Variants in GRK5 observed in about 807,000 individuals in gnomAD.
GRK5 encodes the protein g protein-coupled receptor kinase GRK5.
Under a neutral mutation model 78.4 loss-of-function variants are expected in GRK5, and 40 were observed. The ratio of observed to expected loss-of-function variants is 0.51; its 90% CI spans 0.40 to 0.66. The LOEUF (loss-of-function observed/expected upper bound fraction) is 0.66. GRK5 is among the 30% of genes least tolerant of loss of function. The pLI is 0.00. For synonymous variants in GRK5, 289 were observed against 296.8 expected, an observed-to-expected ratio of 0.97 and a Z score of 0.27; for missense variants, 598 against 759.9, an observed-to-expected ratio of 0.79 and a Z score of 2.50.
chr10:119,390,334 C>T (rs377482940), intron 3 of GRK5, among the ~76,000 whole-genome samples: 2 of 152,186 alleles, frequency 1.3e-5, no homozygotes, highest in African/African-American at 2.4e-5. Flanking sequence ...GTGAAAGGCA[C>T]GTCTCACATG....
At chr10:119,425,257 G>GCACACACACACACA (rs1176161623) in intron 6 of GRK5, among the ~76,000 whole-genome samples, 172 bp downstream of exon 6, 4 of 92,490 alleles carry the variant, frequency 4.3e-5, no homozygotes, top group South Asian at 7.0e-4. Flanking sequence ...GCTTATTCAA[G>GCACACACACACACA]CACACACACA....
intron 1 of GRK5, among the ~76,000 whole-genome samples, chr10:119,248,083 C>T (rs939285461): frequency 6.6e-6 from 1 of 152,170 alleles, no homozygotes; most frequent in African/African-American, 2.4e-5. Context: ...GTGATCATAG[C>T]TCACTGCAGC....
chr10:119,438,690 G>A (rs929871217), intron 9 of GRK5, among the ~76,000 whole-genome samples: 1 of 152,312 alleles, frequency 6.6e-6, no homozygotes, highest in Middle Eastern at 3.4e-3. Flanking sequence ...CACTCACCAC[G>A]GCCTCTCTTT....
chr10:119,410,476 TG>T (rs1183517485), intron 4 of GRK5, among the ~76,000 whole-genome samples: 1 of 152,210 alleles, frequency 6.6e-6, no homozygotes, highest in Non-Finnish European at 1.5e-5. Flanking sequence ...TCTACTTTGT[TG>T]GCCCAGAGAA....
chr10:119,215,068 C>T (rs1468350990), intron 1 of GRK5, among the ~76,000 whole-genome samples: 1 of 152,234 alleles, frequency 6.6e-6, no homozygotes, highest in Non-Finnish European at 1.5e-5. Context: ...TGTCCTTTGA[C>T]ATAGCCTGTC....
Position 119,436,791 on chromosome 10 carries a change from A to T in GRK5, c.879A>T (p.Ala293=). ...AGGAGCGGGCCTTGTTTTATGCGGC[A>T]GAGATCCTCTGCGGCTTAGAAGACC... ...FEEERALFYA[A]EILCGLEDLH... The change falls in exon 9 of 16, where the codon GCA becomes GCT. Residue 293 remains alanine, a synonymous_variant. Coordinates refer to ENST00000392870, the MANE Select transcript of GRK5 (RefSeq NM_005308.3). The T allele has an allele frequency of 1.2e-6, 2 of 1,613,848 alleles. No homozygotes were observed. Among genetic ancestry groups the T allele is most frequent in the Non-Finnish European group, 1.7e-6 (2 of 1,179,830 alleles).
At chr10:119,228,911 G>T (rs903963804) in intron 1 of GRK5, among the ~76,000 whole-genome samples, 1 of 152,136 alleles carries the variant, frequency 6.6e-6, no homozygotes, top group African/African-American at 2.4e-5. Context: ...CTCCATGGGA[G>T]ATTCTAGGAT....
chr10:119,377,854 A>C (rs1851649172), intron 2 of GRK5: 1 of 154,414 alleles, frequency 6.5e-6, no homozygotes, highest in Admixed American at 6.5e-5. Flanking sequence ...TAATTGAATA[A>C]AAATGGAATT....
At chr10:119,222,509 A>G (rs1848670543) in intron 1 of GRK5, among the ~76,000 whole-genome samples, 1 of 151,970 alleles carries the variant, frequency 6.6e-6, no homozygotes, top group South Asian at 2.1e-4. Context: ...GTTTGCATGG[A>G]ATTTACCTAG....
chr10:119,335,351 C>G (rs1277814512), intron 2 of GRK5, among the ~76,000 whole-genome samples: 1 of 151,992 alleles, frequency 6.6e-6, no homozygotes, highest in Non-Finnish European at 1.5e-5. Flanking sequence ...GCCACTCTGC[C>G]CAACTGCCAT....
intron 1 of GRK5, among the ~76,000 whole-genome samples, chr10:119,287,943 C>A (rs892257749): frequency 1.3e-5 from 2 of 150,878 alleles, no homozygotes; most frequent in African/African-American, 4.9e-5. Flanking sequence ...CTGCTCATTC[C>A]CCGTCCTCCC....
At chr10:119,224,404 A>G (rs61876597) in intron 1 of GRK5, among the ~76,000 whole-genome samples, 27,063 of 151,050 alleles carry the variant, frequency 0.18, 2,996 homozygotes, top group African/African-American at 0.32. Flanking sequence ...TTATTTATTT[A>G]TTTATTTATT....
intron 6 of GRK5, among the ~76,000 whole-genome samples, chr10:119,427,159 C>T (rs1010581053): frequency 6.6e-6 from 1 of 150,908 alleles, no homozygotes; most frequent in Admixed American, 6.6e-5. Flanking sequence ...TTATCAATAT[C>T]CCACCGCCAT....
chr10:119,242,510 T>G (rs1849042324), intron 1 of GRK5, among the ~76,000 whole-genome samples: 1 of 150,198 alleles, frequency 6.7e-6, no homozygotes, highest in African/African-American at 2.5e-5. Context: ...AGAGCTGCCC[T>G]GGCATCATGG....
At chr10:119,401,552 G>A (rs994031910) in intron 4 of GRK5, among the ~76,000 whole-genome samples, 1 of 152,224 alleles carries the variant, frequency 6.6e-6, no homozygotes, top group Admixed American at 6.5e-5. Context: ...ATGGGTTTGG[G>A]AAAGTTGCTT....
intron 1 of GRK5, among the ~76,000 whole-genome samples, chr10:119,244,813 C>T (rs189142695): frequency 1.2e-3 from 180 of 152,196 alleles, no homozygotes; most frequent in African/African-American, 4.3e-3. Flanking sequence ...ATAATAAAAA[C>T]AAAAAATAAC....
intron 1 of GRK5, among the ~76,000 whole-genome samples, chr10:119,209,491 T>TGG (rs1394283880): frequency 5.8e-4 from 30 of 51,664 alleles, no homozygotes; most frequent in African/African-American, 2.7e-3. Flanking sequence ...TGTGTGGTTT[T>TGG]TTTTTTTTTT....
At chr10:119,235,568 G>A (rs1183535224) in intron 1 of GRK5, among the ~76,000 whole-genome samples, 1 of 152,106 alleles carries the variant, frequency 6.6e-6, no homozygotes, top group East Asian at 1.9e-4. Flanking sequence ...AGGCACACTC[G>A]GGTTGTTCAG....
chr10:119,218,899 CTT>C (rs59377653), intron 1 of GRK5, among the ~76,000 whole-genome samples: 15 of 142,186 alleles, frequency 1.1e-4, no homozygotes, highest in Non-Finnish European at 9.3e-5. Flanking sequence ...AAATCTGAAA[CTT>C]TTTTTTTTTT....
Sources: gnomAD v4.1 joint callset for allele counts (sites outside exome capture counted in the v4.1 genomes callset) on GRCh38, gnomAD v4.1.1 for gene constraint, MANE v1.5 for transcripts, NCBI Gene and HGNC (gene_info 2026-07-23, HGNC 2026-07-21) for gene names.